MFHAS1: variants seen among roughly 807,000 people sequenced by gnomAD.
The protein encoded by MFHAS1 is malignant fibrous histiocytoma-amplified sequence 1.
A neutral mutation model predicts 70.4 loss-of-function variants in MFHAS1; 50 were observed. That is an observed-to-expected ratio of 0.71 (90% CI 0.57 to 0.90). MFHAS1 has a LOEUF of 0.90. MFHAS1 is among the 40% of genes least tolerant of loss of function. The pLI is 0.00. For missense variants in MFHAS1, 1,795 were observed against 1,347.6 expected (o/e 1.33, Z -5.20); for synonymous variants, 952 against 620.0 (o/e 1.54, Z -7.96).
At chr8:8,883,707 C>CAAAAAAAAAAAAAAAA (rs35799658) in intron 1 of MFHAS1, among the ~76,000 whole-genome samples, 1 of 29,586 alleles carries the variant, frequency 3.4e-5, no homozygotes, top group African/African-American at 1.4e-4. Context: ...GACTCAGTCT[C>CAAAAAAAAAAAAAAAA]AAAAAAAAAA....
In MFHAS1 at chr8:8,785,710, A is replaced by C; in HGVS notation, c.*312T>G. 2.8e-6 allele frequency: 1 copy of C among 356,330 alleles called. No homozygotes were observed. Among genetic ancestry groups the C allele is most frequent in the Non-Finnish European group, 5.2e-6 (1 of 193,026 alleles). 22.1% of individuals were successfully genotyped at this position (356,330 alleles called of 1,614,324 possible). On this transcript the variant is annotated 3_prime_UTR_variant, in exon 3 of 3. Coordinates refer to ENST00000276282, the MANE Select transcript of MFHAS1 (RefSeq NM_004225.3). Reference sequence around the variant, plus strand: ...TAACTATGGCTTATATGTGCACGGAAAACAAAATCCCTGAGAAGCCATTCG... The same window carrying C: ...TAACTATGGCTTATATGTGCACGGACAACAAAATCCCTGAGAAGCCATTCG...
intron 1 of MFHAS1, among the ~76,000 whole-genome samples, chr8:8,880,823 T>G (rs1260514620): frequency 6.6e-5 from 10 of 152,076 alleles, no homozygotes; most frequent in Admixed American, 3.9e-4. Context: ...TAGCTGGGAT[T>G]ACAGGCACAC....
chr8:8,834,593 A>G (rs1450817776), intron 1 of MFHAS1, among the ~76,000 whole-genome samples: 1 of 152,204 alleles, frequency 6.6e-6, no homozygotes, highest in East Asian at 1.9e-4. Context: ...CTATTCTAGG[A>G]GCAACAGGCT....
intron 2 of MFHAS1, among the ~76,000 whole-genome samples, chr8:8,795,807 G>T (rs1585018909): frequency 6.6e-6 from 1 of 152,360 alleles, no homozygotes; most frequent in East Asian, 1.9e-4. Context: ...CCCAAGAGGA[G>T]ATGACAGGTC....
intron 1 of MFHAS1, among the ~76,000 whole-genome samples, chr8:8,885,074 G>C (rs1809699913): frequency 1.3e-5 from 2 of 151,978 alleles, no homozygotes. Flanking sequence ...AGCAGCAAGT[G>C]AACAACCTAA....
chr8:8,787,787 T>C (rs966055475), intron 2 of MFHAS1, among the ~76,000 whole-genome samples: 2 of 152,204 alleles, frequency 1.3e-5, no homozygotes, highest in African/African-American at 2.4e-5. Flanking sequence ...CCTTCAGAAA[T>C]GCAGACAGTC....
Position 8,797,487 on chromosome 8 carries a change from C to G in MFHAS1, c.3003G>C (p.Glu1001Asp), listed in dbSNP as rs144779795. ...CTTCCGGTCTGGGCTGACTCAGCAA[C>G]TCCCCTGTAGGAGGAGAGAGAAAAA... ...GSPNPHAFPG[E>D]LLSQPRPEGV... The change falls in exon 2 of 3, where the codon GAG becomes GAC. Residue 1001 changes from glutamate (E) to aspartate (D), a missense_variant. Transcript: ENST00000276282. The G allele has an allele frequency of 1.9e-6, 3 of 1,613,546 alleles. No homozygotes were observed. Among genetic ancestry groups the G allele is most frequent in the African/African-American group, 1.3e-5 (1 of 74,890 alleles).
At chr8:8,840,371 C>T (rs1807769353) in intron 1 of MFHAS1, among the ~76,000 whole-genome samples, 1 of 150,766 alleles carries the variant, frequency 6.6e-6, no homozygotes, top group South Asian at 2.1e-4. Flanking sequence ...GCATGAGAAT[C>T]ACTTGAACCT....
intron 1 of MFHAS1, among the ~76,000 whole-genome samples, chr8:8,814,193 C>T (rs1271183250): frequency 6.6e-6 from 1 of 152,184 alleles, no homozygotes; most frequent in Non-Finnish European, 1.5e-5. Context: ...CCACCTCAGC[C>T]TCCCACAGTG....
Position 8,891,221 on chromosome 8 carries a change from A to C in MFHAS1, c.1838T>G (p.Leu613Arg). 6.2e-7 allele frequency: 1 copy of C among 1,612,602 alleles called. No homozygotes were observed. The highest frequency in any genetic ancestry group is 8.5e-7 in the Non-Finnish European group (1 of 1,180,010). The stretch of plus-strand genomic sequence containing the variant: ...GAGGATCTGCAGCCGGTGGTTGAGC[A>C]GGTATTGAAAATGGGCCTTGCGCCG... ...LRRRKAHFQY[L>R]LNHRLQILSP... Residue 613 changes from leucine to arginine, a missense_variant, in exon 1 of 3, where the codon CTG (leucine) becomes CGG (arginine). Transcript: ENST00000276282. This position sits in a 1 kb window ranked among gnomAD's most constrained non-coding sequence, Gnocchi z 5.4.
chr8:8,810,432 G>A (rs769403624), intron 1 of MFHAS1, among the ~76,000 whole-genome samples: 5 of 152,138 alleles, frequency 3.3e-5, no homozygotes, highest in Non-Finnish European at 7.4e-5. Flanking sequence ...AACCATGCAG[G>A]TCCATTTACA....
chr8:8,801,852 C>T (rs2117266279), intron 1 of MFHAS1, among the ~76,000 whole-genome samples: 1 of 152,194 alleles, frequency 6.6e-6, no homozygotes. Flanking sequence ...ATGAGGCCCC[C>T]AAGGAAATTT....
At chr8:8,857,769 AC>A (rs1563206851) in intron 1 of MFHAS1, among the ~76,000 whole-genome samples, 2 of 151,794 alleles carry the variant, frequency 1.3e-5, no homozygotes, top group East Asian at 1.9e-4. Context: ...CAAAAAAAAA[AC>A]AAAAAAAAAT....
intron 1 of MFHAS1, among the ~76,000 whole-genome samples, chr8:8,828,620 C>T (rs986798359): frequency 2.6e-5 from 4 of 152,182 alleles, no homozygotes; most frequent in Admixed American, 6.5e-5. Flanking sequence ...GGAGGAAAAA[C>T]GCAAAAGCTA....
intron 1 of MFHAS1, among the ~76,000 whole-genome samples, chr8:8,817,621 T>C (rs1187382841): frequency 3.3e-5 from 5 of 152,216 alleles, no homozygotes; most frequent in African/African-American, 9.6e-5. Flanking sequence ...CCTGTTCTCC[T>C]TGCTGTGGCT....
At chr8:8,819,628 A>G (rs1441232642) in intron 1 of MFHAS1, among the ~76,000 whole-genome samples, 1 of 151,448 alleles carries the variant, frequency 6.6e-6, no homozygotes, top group East Asian at 1.9e-4. Flanking sequence ...AAAAAAAAAG[A>G]ATATCCAAGA....
chr8:8,891,245 C>T lies in MFHAS1; in HGVS notation c.1814G>A (p.Arg605Gln), dbSNP rs999279796. ...YYGVSDKNLRRRKAHFQYLLN... is the reference protein window; with the variant it reads ...YYGVSDKNLRQRKAHFQYLLN... ...CAGGTATTGAAAATGGGCCTTGCGC[C>T]GTCGAAGGTTCTTGTCCGAAACGCC... The change falls in exon 1 of 3, where the codon CGG becomes CAG. Residue 605 changes from arginine to glutamine, a missense_variant. Coordinates refer to ENST00000276282, the MANE Select transcript of MFHAS1 (RefSeq NM_004225.3). The surrounding 1 kb of genome is among the most constrained non-coding windows in gnomAD (Gnocchi z 5.4). 1.2e-6 allele frequency: 2 copies of T among 1,612,122 alleles called. No homozygotes were observed. Among genetic ancestry groups the T allele is most frequent in the Non-Finnish European group, 1.7e-6 (2 of 1,180,032 alleles).
At chr8:8,867,005 T>TG (rs1248722707) in intron 1 of MFHAS1, among the ~76,000 whole-genome samples, 1 of 152,010 alleles carries the variant, frequency 6.6e-6, no homozygotes, top group African/African-American at 2.4e-5. Flanking sequence ...AAGGTGACAG[T>TG]GGGAAAAAAA....
intron 1 of MFHAS1, among the ~76,000 whole-genome samples, chr8:8,858,876 T>C (rs1354556462): frequency 2.6e-5 from 4 of 152,162 alleles, no homozygotes; most frequent in Non-Finnish European, 5.9e-5. Flanking sequence ...ACAACAAGGA[T>C]AAAGCATTCT....
Sources: gnomAD v4.1 joint callset for allele counts (sites outside exome capture counted in the v4.1 genomes callset) on GRCh38, gnomAD v4.1.1 for gene constraint, Gnocchi (gnomAD v3.1) non-coding constraint, MANE v1.5 for transcripts, NCBI Gene and HGNC (gene_info 2026-07-23, HGNC 2026-07-21) for gene names.